Variants in CIAO3 observed in about 807,000 individuals in gnomAD.
CIAO3 encodes LET1 like/JFP15.
A neutral mutation model predicts 51.5 loss-of-function variants in CIAO3; 45 were observed. The ratio of observed to expected loss-of-function variants is 0.87; its 90% confidence interval spans 0.69 to 1.12. The LOEUF (loss-of-function observed/expected upper bound fraction) is 1.12, where lower values mean the gene tolerates loss of function less well. Ranked by LOEUF, CIAO3 falls within the 50% of genes most tolerant of loss-of-function variation. The pLI, the probability that CIAO3 is intolerant of heterozygous loss-of-function variation, is 0.00. For synonymous variants in CIAO3, 314 were observed against 269.3 expected (o/e 1.17, Z -1.63); for missense variants, 668 against 632.5 (o/e 1.06, Z -0.60).
At chr16:740,313 G>A (rs2041378501) in intron 1 of CIAO3, 4 of 354,868 alleles carry the variant, frequency 1.1e-5, no homozygotes, top group South Asian at 6.3e-5. Flanking sequence ...GGCGCCTGCA[G>A]CCTCCCGGGT....
chr16:729,857 G>C lies in CIAO3; in HGVS notation c.*560C>G. On this transcript the variant is annotated 3_prime_UTR_variant, in exon 11 of 11. Coordinates refer to ENST00000251588, the MANE Select transcript of CIAO3 (RefSeq NM_022493.3). Reference sequence around the variant, plus strand: ...GATGATGCAGCCCGCGATGGCTGCTGCTTCGTACTTGGCTTGCCCCGGACC... The same window carrying C: ...GATGATGCAGCCCGCGATGGCTGCTCCTTCGTACTTGGCTTGCCCCGGACC... The C allele has an allele frequency of 3.7e-6, 2 of 535,476 alleles. No individual in the cohort carries two copies. Among genetic ancestry groups the C allele is most frequent in the South Asian group, 2.0e-5 (1 of 49,580 alleles). 33.2% of individuals were successfully genotyped at this position (535,476 alleles called of 1,614,324 possible). A position where few individuals can be genotyped will look rare whatever the true frequency, so the allele number is the denominator to read the frequency against.
intron 9 of CIAO3, chr16:731,268 T>C: frequency 1.6e-6 from 1 of 616,102 alleles, no homozygotes; most frequent in Non-Finnish European, 2.8e-6. Context: ...TGGCCCTCCC[T>C]CCTGGGATGT....
chr16:730,619 TCTGGGGC>T lies in CIAO3; in HGVS notation c.1222_1228del (p.Ala408ThrfsTer100). ...CTGGAGGAGCTCTCTGCTGGGCCTG[TCTGGGGC>T]CTGGAGCTGGCCCCCGCCGTTCAGG... is the stretch of plus-strand genomic sequence containing the variant. On this transcript the variant is annotated frameshift_variant, in exon 11 of 11. Coordinates refer to ENST00000251588, the MANE Select transcript of CIAO3 (RefSeq NM_022493.3). LOFTEE classifies it low-confidence loss of function (END_TRUNC). The T allele has an allele frequency of 6.2e-7, 1 of 1,610,270 alleles. No homozygotes were observed. The highest frequency in any genetic ancestry group is 1.1e-5 in the South Asian group (1 of 91,078).
At chr16:733,538 C>T (rs562251712) in intron 6 of CIAO3, 111 bp from the exon 7 acceptor site, 2 of 1,503,224 alleles carry the variant, frequency 1.3e-6, no homozygotes, top group Non-Finnish European at 9.0e-7. Flanking sequence ...GGACAGTGAG[C>T]CTCACTCCAT....
intron 3 of CIAO3, among the ~76,000 whole-genome samples, chr16:736,765 G>C (rs995279919): frequency 2.6e-5 from 4 of 152,112 alleles, no homozygotes; most frequent in African/African-American, 9.7e-5. Context: ...CTGGGTTCAA[G>C]CGATTCTCCT....
rs2041336338 is a variant in CIAO3 at position 736,276 on chromosome 16, AAAG to A, written c.426_428del (p.Phe143del). On this transcript the variant is annotated inframe_deletion, in exon 4 of 11. Transcript: ENST00000251588. Reference sequence around the variant, plus strand: ...AGGTTCAAAGCCTACCTATTTTTTTAAAGAATGAGGTTAATTTCCTGGCAGTAT... The same window carrying A: ...AGGTTCAAAGCCTACCTATTTTTTTAAATGAGGTTAATTTCCTGGCAGTAT... 9 of 1,612,534 alleles carry A rather than the reference AAAG, an allele frequency of 5.6e-6. No homozygotes were observed. Among genetic ancestry groups the A allele is most frequent in the Non-Finnish European group, 6.8e-6 (8 of 1,179,730 alleles).
chr16:737,239 G>A lies in CIAO3; in HGVS notation c.253C>T (p.Leu85Phe). The A allele has an allele frequency of 6.2e-7, 1 of 1,613,698 alleles. No individual in the cohort carries two copies. Among genetic ancestry groups the A allele is most frequent in the Non-Finnish European group, 8.5e-7 (1 of 1,180,024 alleles). ...TCCTCGTGGCTCTGCTGGGTGATAA[G>A]CACGGTCTCTGCGGAGGTGATGCAG... ...SGCITSAETV[L>F]ITQQSHEELK... The change falls in exon 3 of 11, where the codon CTT (leucine) becomes TTT (phenylalanine). Residue 85 changes from leucine (L) to phenylalanine (F), a missense_variant. Transcript: ENST00000251588. The surrounding 1 kb of genome is among the most constrained non-coding windows in gnomAD (Gnocchi z 5.3).
Position 736,409 on chromosome 16 carries a change from A to G in CIAO3, c.307-11T>C. 6.2e-7 allele frequency: 1 copy of G among 1,612,436 alleles called. No homozygotes were observed. Among genetic ancestry groups the G allele is most frequent in the South Asian group, 1.1e-5 (1 of 91,074 alleles). ...ACTGGGTGCCGCCATCTGCAAAGCA[A>G]GGGGAAGACGCTGCTTACTCTGCTG... is the stretch of plus-strand genomic sequence containing the variant. On this transcript the variant is annotated splice_polypyrimidine_tract_variant and intron_variant, in intron 3 of 10. Coordinates refer to ENST00000251588, the MANE Select transcript of CIAO3 (RefSeq NM_022493.3).
rs149714854 is a variant in CIAO3 at position 732,529 on chromosome 16, C to T, written c.824-156G>A. The T allele has an allele frequency of 1.4e-5, 12 of 833,656 alleles. No individual in the cohort carries two copies. In the East Asian group the frequency reaches 3.3e-4, roughly 23 times the overall value. The allele number at this position is 833,656 out of a possible 1,614,324, so 51.6% of individuals were successfully genotyped here. A position where few individuals can be genotyped will look rare whatever the true frequency, so the allele number is the denominator to read the frequency against. ...CCGTGGTGGGGAGGCCAGGCCCGGTCACTCCTGAAGCCCCTCTGGAGGCTG... is the reference window on the plus strand; with the variant it reads ...CCGTGGTGGGGAGGCCAGGCCCGGTTACTCCTGAAGCCCCTCTGGAGGCTG... On this transcript the variant is annotated intron_variant, in intron 7 of 10. Coordinates refer to ENST00000251588, the MANE Select transcript of CIAO3 (RefSeq NM_022493.3).
At chr16:735,142 C>G in intron 4 of CIAO3, 1 of 435,362 alleles carries the variant, frequency 2.3e-6, no homozygotes, top group South Asian at 4.2e-5. Flanking sequence ...CCCAGCAGCT[C>G]AGTCCTCCAC....
chr16:730,494 C>G lies in CIAO3; in HGVS notation c.1354G>C (p.Glu452Gln). Residue 452 changes from glutamate to glutamine, a missense_variant, in exon 11 of 11, where the codon GAG (glutamate) becomes CAG (glutamine). Transcript: ENST00000251588. ...YTHWLQGTDS[E>Q]CAGRLLHTQY... is the part of the protein sequence containing the mutation. ...GTATGCAGCAAGCGACCTGCACACT[C>G]CGAGTCCGTGCCCTGCAGCCAGTGT... 1.2e-6 allele frequency: 2 copies of G among 1,609,796 alleles called. No individual in the cohort carries two copies. The highest frequency in any genetic ancestry group is 1.7e-6 in the Non-Finnish European group (2 of 1,179,982).
intron 7 of CIAO3, 27 bp from the exon 8 acceptor site, chr16:732,400 T>A (rs1206125777): frequency 3.7e-6 from 6 of 1,611,376 alleles, no homozygotes; most frequent in Non-Finnish European, 5.1e-6. Context: ...GCGCAGACAC[T>A]CTTTAGCGGA....
rs1205046470 is a variant in CIAO3 at position 737,396 on chromosome 16, T to C, written c.163-67A>G. ...ACGAGGACATGGAGACAGAGGATAG[T>C]GGAGTCCAGCTCATAACCGACAACC... On this transcript the variant is annotated intron_variant, in intron 2 of 10. Transcript: ENST00000251588. The surrounding 1 kb of genome is among the most constrained non-coding windows in gnomAD (Gnocchi z 5.3). 8 of 1,602,324 alleles carry C rather than the reference T, an allele frequency of 5.0e-6. No homozygotes were observed. The highest frequency in any genetic ancestry group is 6.8e-6 in the Non-Finnish European group (8 of 1,173,016).
intron 4 of CIAO3, chr16:735,147 C>T: frequency 2.4e-6 from 1 of 424,644 alleles, no homozygotes; most frequent in Non-Finnish European, 4.2e-6. Context: ...CAGCTCAGTC[C>T]TCCACCCTCC....
intron 7 of CIAO3, 109 bp downstream of exon 7, chr16:733,189 C>G: frequency 7.0e-7 from 1 of 1,435,240 alleles, no homozygotes; most frequent in Non-Finnish European, 9.4e-7. Flanking sequence ...CCCCCACACT[C>G]CAGCCAGGGC....
intron 1 of CIAO3, 199 bp from the exon 2 acceptor site, chr16:739,937 G>A (rs1489665266): frequency 2.2e-5 from 30 of 1,377,314 alleles, no homozygotes; most frequent in Admixed American, 2.0e-5. Flanking sequence ...AACATCCTGC[G>A]GCACTGAAGT....
chr16:740,919 C>T lies in CIAO3; in HGVS notation c.66+1G>A. The stretch of plus-strand genomic sequence containing the variant: ...GACCCCGCCCGCCCAGGCCGGCCCA[C>T]CTGAGACGGCCCGATGAAGTCATCC... On this transcript the variant is annotated splice_donor_variant, in intron 1 of 10. Coordinates refer to ENST00000251588, the MANE Select transcript of CIAO3 (RefSeq NM_022493.3). LOFTEE classifies it high-confidence loss of function. 3 of 1,529,002 alleles carry T rather than the reference C, an allele frequency of 2.0e-6. No individual in the cohort carries two copies. The highest frequency in any genetic ancestry group is 2.6e-6 in the Non-Finnish European group (3 of 1,142,662). 94.7% of individuals were successfully genotyped at this position (1,529,002 alleles called of 1,614,324 possible).
intron 3 of CIAO3, chr16:736,945 T>C (rs1338291953): frequency 1.9e-6 from 1 of 532,304 alleles, no homozygotes; most frequent in Non-Finnish European, 3.3e-6. Context: ...ATGACAGGCG[T>C]GAGCCCCCGC....
intron 8 of CIAO3, 130 bp downstream of exon 8, chr16:732,171 C>T (rs1041905634): frequency 6.0e-6 from 6 of 998,376 alleles, no homozygotes; most frequent in Non-Finnish European, 9.0e-6. Flanking sequence ...AGCTACTGCG[C>T]CTGGCTATCC....
Sources: allele counts gnomAD v4.1 joint callset (sites outside exome capture counted in the v4.1 genomes callset), GRCh38; gene constraint gnomAD v4.1.1; non-coding constraint Gnocchi (gnomAD v3.1); transcripts MANE v1.5; gene names NCBI Gene and HGNC (gene_info 2026-07-23, HGNC 2026-07-21).